Variants in HIP1 observed in about 807,000 individuals in gnomAD.
HIP1 encodes the protein huntingtin-interacting protein 1.
In HIP1, 65 loss-of-function variants were observed where a neutral mutation model predicts 147.6. The observed-to-expected ratio is 0.44, with a 90% CI of 0.36 to 0.54. The LOEUF is 0.54. Among genes scored for constraint, HIP1 ranks in the 20% least tolerant of loss-of-function variants. The pLI, the probability that HIP1 is intolerant of heterozygous loss-of-function variation, is 0.00. For missense variants in HIP1, 1,061 were observed against 1,299.6 expected, an observed-to-expected ratio of 0.82 and a Z score of 2.82; for synonymous variants, 479 against 504.0, an observed-to-expected ratio of 0.95 and a Z score of 0.67.
At chr7:75,579,700 A>G (rs934476755) in intron 7 of HIP1, among the ~76,000 whole-genome samples, 1 of 152,154 alleles carries the variant, frequency 6.6e-6, no homozygotes, top group Non-Finnish European at 1.5e-5. Context: ...AATATTCTGG[A>G]AAAGAGGCCA....
intron 25 of HIP1, among the ~76,000 whole-genome samples, 166 bp downstream of exon 25, chr7:75,546,773 C>T (rs1167799): frequency 0.72 from 109,771 of 152,064 alleles, 40,300 homozygotes; most frequent in African/African-American, 0.79. Context: ...TGGGGAGGTC[C>T]TGGAGCTCTG....
At position 75,680,978 on chromosome 7, in the gene HIP1, G is replaced by A. The variant is rs2525454; in HGVS notation, c.120+57823C>T. Among the ~76,000 whole-genome samples, 1,005 of 152,120 alleles carry A rather than the reference G, an allele frequency of 6.6e-3. 14 individuals carry two copies. The highest frequency in any genetic ancestry group is 0.023 in the African/African-American group (945 of 41,500). On this transcript the variant is annotated intron_variant, in intron 1 of 30. Transcript: ENST00000336926. ...TTTTTAGTAGAGAAGGGGTTTTACC[G>A]TGTTAGCCAGAATGGTCTCAATCCC...
chr7:75,717,154 C>T (rs1262473423), intron 1 of HIP1, among the ~76,000 whole-genome samples: 1 of 152,148 alleles, frequency 6.6e-6, no homozygotes, highest in Non-Finnish European at 1.5e-5. Flanking sequence ...TGCCCATGTG[C>T]AGTCTCACTT....
In HIP1 at chr7:75,555,468, G is replaced by A. The variant is rs201465522; in HGVS notation, c.1911C>T (p.Asp637=). ...GAGGTTCTTCAAGCTGGTTCAGGGC[G>A]TCTTGTATCACCTGCTCCGCAGCCT... The part of the protein sequence containing the change: ...SRKAAEQVIQ[D]ALNQLEEPPL... The change falls in exon 19 of 31, where the codon GAC becomes GAT. Residue 637 remains aspartate, a synonymous_variant. Coordinates refer to ENST00000336926, the MANE Select transcript of HIP1 (RefSeq NM_005338.7). 15 of 1,614,178 alleles carry A rather than the reference G, an allele frequency of 9.3e-6. No individual in the cohort carries two copies. The East Asian group carries it at 2.7e-4, about 29-fold the overall frequency.
chr7:75,639,323 A>AG (rs1186241549), intron 1 of HIP1: 1 of 134,058 alleles, frequency 7.5e-6, no homozygotes, highest in Non-Finnish European at 1.4e-5. Flanking sequence ...GGGGCGGGGG[A>AG]GGCGCGGCCC....
At chr7:75,710,754 A>C (rs1801145566) in intron 1 of HIP1, among the ~76,000 whole-genome samples, 1 of 151,874 alleles carries the variant, frequency 6.6e-6, no homozygotes, top group Non-Finnish European at 1.5e-5. Flanking sequence ...ATACGGTGAG[A>C]CTCTATCTTG....
At chr7:75,678,578 A>T (rs984030754) in intron 1 of HIP1, among the ~76,000 whole-genome samples, 1 of 152,144 alleles carries the variant, frequency 6.6e-6, no homozygotes, top group Admixed American at 6.6e-5. Flanking sequence ...TCCTGACCTC[A>T]AGTGATCCAC....
chr7:75,545,537 G>C (rs1307687180), intron 25 of HIP1, among the ~76,000 whole-genome samples: 1 of 152,146 alleles, frequency 6.6e-6, no homozygotes, highest in African/African-American at 2.4e-5. Flanking sequence ...AGCTACTCAG[G>C]AGGCTGAGGC....
At chr7:75,682,165 G>A (rs1554516979) in intron 1 of HIP1, among the ~76,000 whole-genome samples, 4 of 148,942 alleles carry the variant, frequency 2.7e-5, no homozygotes, top group Non-Finnish European at 5.9e-5. Context: ...CACCGTCTTG[G>A]CCAGGTTGGT....
At chr7:75,584,232 G>A (rs1796169425) in intron 5 of HIP1, among the ~76,000 whole-genome samples, 1 of 151,730 alleles carries the variant, frequency 6.6e-6, no homozygotes, top group African/African-American at 2.4e-5. Flanking sequence ...CCAGAGTGCT[G>A]GGATTACAAG....
intron 1 of HIP1, among the ~76,000 whole-genome samples, chr7:75,681,679 T>A (rs1301627010): frequency 6.6e-6 from 1 of 151,884 alleles, no homozygotes; most frequent in African/African-American, 2.4e-5. Context: ...GCTAATTTTT[T>A]ATTTTTTTTT....
chr7:75,561,694 G>A (rs782750921), intron 12 of HIP1, among the ~76,000 whole-genome samples: 5 of 152,210 alleles, frequency 3.3e-5, no homozygotes, highest in Non-Finnish European at 7.3e-5. Flanking sequence ...CCAGGCTGAA[G>A]TGTAGTGGCA....
chr7:75,639,247 G>A (rs1359196810), intron 1 of HIP1: 1 of 908,772 alleles, frequency 1.1e-6, no homozygotes, highest in Non-Finnish European at 1.3e-6. Context: ...GAAAGGAAGG[G>A]GAGGGGGAGG....
At chr7:75,645,942 G>T (rs1798786918) in intron 1 of HIP1, among the ~76,000 whole-genome samples, 1 of 152,100 alleles carries the variant, frequency 6.6e-6, no homozygotes, top group Non-Finnish European at 1.5e-5. Context: ...ACTCCAAAAG[G>T]GAGGAGGGGA....
intron 1 of HIP1, among the ~76,000 whole-genome samples, chr7:75,722,933 C>T (rs950049369): frequency 7.9e-5 from 12 of 152,186 alleles, no homozygotes; most frequent in Non-Finnish European, 1.5e-4. Flanking sequence ...TCTGCAGCCA[C>T]GACAAGCACC....
intron 5 of HIP1, among the ~76,000 whole-genome samples, chr7:75,584,109 G>A (rs587673681): frequency 5.3e-5 from 8 of 150,358 alleles, no homozygotes; most frequent in African/African-American, 1.7e-4. Context: ...TAACAGGCAC[G>A]CACCACCATG....
At position 75,664,079 on chromosome 7, in the gene HIP1, C is replaced by G. The variant is rs1233058111; in HGVS notation, c.121-64832G>C. ...ATACACATATATGTGTATATACACA[C>G]ACATATACACACATATGTGCATACA... is the stretch of plus-strand genomic sequence containing the variant. On this transcript the variant is annotated intron_variant, in intron 1 of 30. Transcript: ENST00000336926. Among the ~76,000 whole-genome samples, 3 of 74,034 alleles carry G rather than the reference C, an allele frequency of 4.1e-5. 1 individual carries two copies. The highest frequency in any genetic ancestry group is 6.0e-5 in the Non-Finnish European group (2 of 33,480). 48.6% of individuals were successfully genotyped at this position (74,034 alleles called of 152,430 possible). A position where few individuals can be genotyped will look rare whatever the true frequency, so the allele number is the denominator to read the frequency against.
rs868912089 is a variant in HIP1 at position 75,664,035 on chromosome 7, T to C, written c.121-64788A>G. 5.6e-4 allele frequency among the ~76,000 whole-genome samples: 41 copies of C among 73,418 alleles called. 4 individuals are homozygous for C. Among genetic ancestry groups the C allele is most frequent in the Admixed American group, 9.6e-4 (6 of 6,274 alleles). 48.2% of individuals were successfully genotyped at this position (73,418 alleles called of 152,430 possible). ...ATATATACACATATATGTGTATATA[T>C]ATACACATATATGTGTATATACACA... On this transcript the variant is annotated intron_variant, in intron 1 of 30. Coordinates refer to ENST00000336926, the MANE Select transcript of HIP1 (RefSeq NM_005338.7).
chr7:75,733,014 C>T (rs536646807), intron 1 of HIP1, among the ~76,000 whole-genome samples: 4 of 152,306 alleles, frequency 2.6e-5, no homozygotes, highest in Non-Finnish European at 5.9e-5. Context: ...GTCTCCTCCA[C>T]GGTATGTGCT....
Sources: allele counts gnomAD v4.1 joint callset (sites outside exome capture counted in the v4.1 genomes callset), GRCh38; gene constraint gnomAD v4.1.1; transcripts MANE v1.5; gene names NCBI Gene and HGNC (gene_info 2026-07-23, HGNC 2026-07-21).